The following ZBBX variants were observed in gnomAD, a reference collection of about 807,000 sequenced individuals.
ZBBX encodes the protein zinc finger B-box domain-containing protein 1.
ZBBX carries 101 observed loss-of-function variants against 108.5 expected under a neutral mutation model. The ratio of observed to expected loss-of-function variants is 0.93; its 90% CI spans 0.79 to 1.10. The LOEUF (loss-of-function observed/expected upper bound fraction) is 1.10, where lower values mean the gene tolerates loss of function less well. Among genes scored for constraint, ZBBX ranks in the 50% least tolerant of loss-of-function variants. The probability of loss-of-function intolerance (pLI) is 0.00; values close to 1 mark genes in which losing one functional copy is unlikely to be tolerated. For synonymous variants in ZBBX, 356 were observed against 323.4 expected (o/e 1.10, Z -1.08); for missense variants, 1,009 against 941.4 (o/e 1.07, Z -0.94).
chr3:167,344,183 G>A (rs1741040956), intron 9 of ZBBX, among the ~76,000 whole-genome samples: 1 of 151,814 alleles, frequency 6.6e-6, no homozygotes, highest in Admixed American at 6.6e-5. Flanking sequence ...TAGAGAGAGA[G>A]AAAGGAGTAT....
At chr3:167,182,456 C>T in the ZBBX span, among the ~76,000 whole-genome samples, 10 of 152,280 alleles carry the variant, frequency 6.6e-5, no homozygotes, top group Admixed American at 6.5e-5. Context: ...TTCTTTTGGT[C>T]CCTGCTTTAC....
the ZBBX span, among the ~76,000 whole-genome samples, chr3:167,233,531 A>G: frequency 7.9e-5 from 12 of 151,748 alleles, no homozygotes; most frequent in Middle Eastern, 3.4e-3. Flanking sequence ...ATCAATGGCC[A>G]TCCTTAAAAG....
intron 10 of ZBBX, among the ~76,000 whole-genome samples, chr3:167,330,072 T>C (rs1169544350): frequency 2.6e-5 from 4 of 152,206 alleles, no homozygotes; most frequent in Non-Finnish European, 5.9e-5. Context: ...TGAAATAGCA[T>C]AAATGCTGAT....
intron 11 of ZBBX, among the ~76,000 whole-genome samples, chr3:167,323,781 G>A (rs184714450): frequency 7.0e-4 from 106 of 152,128 alleles, no homozygotes; most frequent in East Asian, 4.3e-3. Flanking sequence ...TGTGAAGAAC[G>A]GGTAGAAGTC....
downstream of ZBBX, among the ~76,000 whole-genome samples, chr3:167,235,114 T>C (rs1432800821): frequency 6.6e-6 from 1 of 151,728 alleles, no homozygotes; most frequent in East Asian, 1.9e-4. Context: ...CACTGCTCTT[T>C]AGTGTTTCTT....
At chr3:167,244,804 T>C (rs1721266901) in intron 20 of ZBBX, among the ~76,000 whole-genome samples, 1 of 152,194 alleles carries the variant, frequency 6.6e-6, no homozygotes, top group South Asian at 2.1e-4. Flanking sequence ...AAACCTTTTC[T>C]ATCCCTGGAG....
intron 7 of ZBBX, among the ~76,000 whole-genome samples, chr3:167,360,250 G>A (rs1033764209): frequency 1.2e-4 from 18 of 148,612 alleles, no homozygotes; most frequent in African/African-American, 4.2e-4. Context: ...TTATTTCCTT[G>A]GGAATTATTA....
At chr3:167,313,307 C>T (rs1734900130) in intron 16 of ZBBX, among the ~76,000 whole-genome samples, 1 of 152,096 alleles carries the variant, frequency 6.6e-6, no homozygotes, top group South Asian at 2.1e-4. Flanking sequence ...CAGAGTTTTG[C>T]TCTTGTCGCC....
chr3:167,289,207 T>C (rs1730229481), intron 18 of ZBBX, among the ~76,000 whole-genome samples: 1 of 152,104 alleles, frequency 6.6e-6, no homozygotes, highest in Non-Finnish European at 1.5e-5. Flanking sequence ...CAACATAAAG[T>C]ATAATTGTTT....
chr3:167,295,475 G>A (rs1731477238), intron 18 of ZBBX, among the ~76,000 whole-genome samples: 1 of 151,584 alleles, frequency 6.6e-6, no homozygotes, highest in Admixed American at 6.6e-5. Context: ...CCACTCATAA[G>A]TGGGAGTTGA....
At chr3:167,374,675 C>G (rs145406607) in intron 2 of ZBBX, among the ~76,000 whole-genome samples, 12 of 152,022 alleles carry the variant, frequency 7.9e-5, no homozygotes, top group Admixed American at 1.3e-4. Context: ...GTTTTCTGAG[C>G]TCAAATGGTT....
At chr3:167,345,505 C>T (rs979421580) in intron 9 of ZBBX, among the ~76,000 whole-genome samples, 2 of 151,720 alleles carry the variant, frequency 1.3e-5, no homozygotes, top group African/African-American at 4.8e-5. Flanking sequence ...AAAATTCATA[C>T]ATTTTTTCAA....
chr3:167,304,038 A>G (rs535423532), intron 17 of ZBBX, among the ~76,000 whole-genome samples: 26 of 152,326 alleles, frequency 1.7e-4, no homozygotes, highest in African/African-American at 5.5e-4. Flanking sequence ...TTGAATAAAT[A>G]TATTTCGAAT....
chr3:167,347,534 T>TA (rs1239151780), intron 9 of ZBBX, among the ~76,000 whole-genome samples: 1 of 152,024 alleles, frequency 6.6e-6, no homozygotes, highest in Non-Finnish European at 1.5e-5. Flanking sequence ...AAATTTTTTT[T>TA]AAAAACTTTT....
At chr3:167,323,067 G>A (rs1457711394) in intron 11 of ZBBX, among the ~76,000 whole-genome samples, 4 of 151,998 alleles carry the variant, frequency 2.6e-5, no homozygotes, top group Non-Finnish European at 5.9e-5. Context: ...AAAGAGTAGA[G>A]CAGTGTTGAA....
At chr3:167,374,762 T>G (rs994107505) in intron 2 of ZBBX, among the ~76,000 whole-genome samples, 1 of 152,090 alleles carries the variant, frequency 6.6e-6, no homozygotes, top group Non-Finnish European at 1.5e-5. Context: ...GCTATAAAAT[T>G]TATACATGTG....
chr3:167,392,449 T>A (rs939375963), intron 1 of ZBBX, among the ~76,000 whole-genome samples: 4 of 151,842 alleles, frequency 2.6e-5, no homozygotes, highest in Non-Finnish European at 4.4e-5. Flanking sequence ...AGTACCAGAA[T>A]TGCTGAGTAG....
chr3:167,315,708 G>T, intron 15 of ZBBX, 42 bp downstream of exon 15: 1 of 1,374,140 alleles, frequency 7.3e-7, no homozygotes, highest in East Asian at 2.3e-5. Context: ...TGTGTCAGGA[G>T]GGGGCTCAAT....
chr3:167,213,658 TAG>T, the ZBBX span, among the ~76,000 whole-genome samples: 1 of 152,156 alleles, frequency 6.6e-6, no homozygotes, highest in Non-Finnish European at 1.5e-5. Flanking sequence ...CCAACTTTGC[TAG>T]AGAGGCTAAC....
Sources: allele counts gnomAD v4.1 joint callset (sites outside exome capture counted in the v4.1 genomes callset), GRCh38; gene constraint gnomAD v4.1.1; transcripts MANE v1.5; gene names NCBI Gene and HGNC (gene_info 2026-07-23, HGNC 2026-07-21).